The following POLR3A variants were observed in gnomAD, a reference collection of about 807,000 sequenced individuals.
The protein encoded by POLR3A is DNA-directed RNA polymerase III subunit RPC1.
In POLR3A, 112 loss-of-function variants were observed where a neutral mutation model predicts 152.8. That is an observed-to-expected ratio of 0.73 (90% CI 0.63 to 0.86). The LOEUF (loss-of-function observed/expected upper bound fraction) is 0.86. Among genes scored for constraint, POLR3A ranks in the 40% least tolerant of loss-of-function variants. The probability of loss-of-function intolerance (pLI) is 0.00; values close to 1 mark genes in which losing one functional copy is unlikely to be tolerated. For missense variants in POLR3A, 1,385 were observed against 1,743.1 expected (o/e 0.79, Z 3.66); for synonymous variants, 615 against 652.1 (o/e 0.94, Z 0.87).
At chr10:78,028,751 C>T (rs548936281) in intron 1 of POLR3A, among the ~76,000 whole-genome samples, 21 of 152,234 alleles carry the variant, frequency 1.4e-4, no homozygotes, top group African/African-American at 5.1e-4. Flanking sequence ...GATTCACCCG[C>T]TTCGGCCTCC....
intron 19 of POLR3A, among the ~76,000 whole-genome samples, chr10:77,996,856 C>T (rs1048415329): frequency 6.6e-6 from 1 of 152,034 alleles, no homozygotes; most frequent in African/African-American, 2.4e-5. Context: ...AGAGACACAA[C>T]CAAAAAAGAG....
chr10:78,028,045 G>C (rs534813359), intron 1 of POLR3A, among the ~76,000 whole-genome samples: 1 of 152,332 alleles, frequency 6.6e-6, no homozygotes. Flanking sequence ...CTGTTCTAGT[G>C]AATGGCAACC....
chr10:77,993,615 C>T (rs1847270350), intron 19 of POLR3A, among the ~76,000 whole-genome samples: 1 of 152,210 alleles, frequency 6.6e-6, no homozygotes, highest in Middle Eastern at 3.2e-3. Context: ...AGAACACATG[C>T]AATTTAAACC....
At chr10:78,027,704 ATGCG>A (rs1361439575) in intron 1 of POLR3A, among the ~76,000 whole-genome samples, 35 of 148,276 alleles carry the variant, frequency 2.4e-4, no homozygotes, top group African/African-American at 9.2e-4. Context: ...GCATACAGGC[ATGCG>A]CCACCGCACC....
In POLR3A at chr10:78,004,866, C is replaced by T. The variant is rs772239382; in HGVS notation, c.2097G>A (p.Gly699=). ...CTTGGCCAGGTGTGACATCACCGAT[C>T]CCAATTGAGAAACCACGGTTAGCTG... ...VYLSNRGFSI[G]IGDVTPGQGL... Residue 699 remains glycine (G), a synonymous_variant, in exon 16 of 31, where the codon GGG becomes GGA. Coordinates refer to ENST00000372371, the MANE Select transcript of POLR3A (RefSeq NM_007055.4). The T allele has an allele frequency of 1.9e-6, 3 of 1,614,006 alleles. No homozygotes were observed. Among genetic ancestry groups the T allele is most frequent in the Non-Finnish European group, 2.5e-6 (3 of 1,180,016 alleles).
At position 78,010,558 on chromosome 10, in the gene POLR3A, G is replaced by A. The variant is rs780780401; in HGVS notation, c.1573-18C>T. On this transcript the variant is annotated intron_variant, in intron 11 of 30. Coordinates refer to ENST00000372371, the MANE Select transcript of POLR3A (RefSeq NM_007055.4). ...GCTTTAGTCTGTAGGAAAAGTAAGC[G>A]CAGTCAGTTAGCTGTTCTCGGATGC... is the stretch of plus-strand genomic sequence containing the variant. 7.9e-5 allele frequency: 127 copies of A among 1,601,064 alleles called. No homozygotes were observed. In the Admixed American group the frequency reaches 9.3e-4, roughly 12 times the overall value.
intron 20 of POLR3A, 45 bp downstream of exon 20, chr10:77,993,150 AAC>A: frequency 6.8e-7 from 1 of 1,461,044 alleles, no homozygotes; most frequent in East Asian, 2.3e-5. Flanking sequence ...GTCCTAAAGA[AAC>A]ATCCTTAAAA....
chr10:77,982,584 A>C, intron 27 of POLR3A, 69 bp downstream of exon 27: 3 of 1,406,802 alleles, frequency 2.1e-6, no homozygotes, highest in Non-Finnish European at 3.0e-6. Flanking sequence ...CAAAGCCCTT[A>C]GGTCCCAGCC....
At chr10:77,998,773 C>T (rs1041743689) in intron 19 of POLR3A, among the ~76,000 whole-genome samples, 6 of 152,168 alleles carry the variant, frequency 3.9e-5, no homozygotes, top group African/African-American at 9.7e-5. Flanking sequence ...ACTAGAAATA[C>T]CATTTGATGC....
In POLR3A at chr10:78,025,137, G is replaced by A; in HGVS notation, c.324C>T (p.Ile108=). 1 of 1,614,154 alleles carries A rather than the reference G, an allele frequency of 6.2e-7. No homozygotes were observed. The highest frequency in any genetic ancestry group is 8.5e-7 in the Non-Finnish European group (1 of 1,180,006). The change falls in exon 4 of 31, where the codon ATC becomes ATT. Residue 108 remains isoleucine (I), a synonymous_variant. Transcript: ENST00000372371. ...GCATGATGTGGCAGCAGGTTTTGCA[G>A]ATCATCTTTTTCAAATTAAGCAAGA... ...FRAVIGILQM[I]CKTCCHIMLS... is the part of the protein sequence containing the mutation.
Position 78,021,654 on chromosome 10 carries a change from C to T in POLR3A, c.1077G>A (p.Lys359=). The T allele has an allele frequency of 1.2e-6, 2 of 1,614,142 alleles. No individual in the cohort carries two copies. The highest frequency in any genetic ancestry group is 1.7e-6 in the Non-Finnish European group (2 of 1,180,012). The part of the protein sequence containing the change: ...QGRFRGNLSG[K]RVDFSGRTVI... Reference sequence around the variant, plus strand: ...CTGTTCTGCCAGAAAAATCCACTCTCTTTCCTGAGAGATTTCCTCTAAATC... The same window carrying T: ...CTGTTCTGCCAGAAAAATCCACTCTTTTTCCTGAGAGATTTCCTCTAAATC... The change falls in exon 8 of 31, where the codon AAG becomes AAA. Residue 359 remains lysine, a synonymous_variant. Coordinates refer to ENST00000372371, the MANE Select transcript of POLR3A (RefSeq NM_007055.4).
intron 20 of POLR3A, among the ~76,000 whole-genome samples, chr10:77,992,727 T>G (rs1472924740): frequency 6.6e-6 from 1 of 152,040 alleles, no homozygotes; most frequent in Non-Finnish European, 1.5e-5. Flanking sequence ...TTTTTAGAGA[T>G]AGAGTTTTTC....
At position 78,025,773 on chromosome 10, in the gene POLR3A, C is replaced by G. The variant is rs937568457; in HGVS notation, c.181-14G>C. 6.2e-7 allele frequency: 1 copy of G among 1,613,644 alleles called. No homozygotes were observed. The highest frequency in any genetic ancestry group is 8.5e-7 in the Non-Finnish European group (1 of 1,179,650). ...CTCACTCGTACCCTTTGAAAAAAAG[C>G]ACACCCAATGATCAACACAGACTGC... On this transcript the variant is annotated splice_polypyrimidine_tract_variant and intron_variant, in intron 2 of 30. Coordinates refer to ENST00000372371, the MANE Select transcript of POLR3A (RefSeq NM_007055.4).
rs1847587969 is a variant in POLR3A at position 78,022,319 on chromosome 10, T to C, written c.711A>G (p.Leu237=). 4 of 1,613,788 alleles carry C rather than the reference T, an allele frequency of 2.5e-6. No individual in the cohort carries two copies. In the South Asian group the frequency reaches 3.3e-5, roughly 13 times the overall value. ...TTCCGGCTTCTGGGTTCATCAGAAGTAGAGGAACATCTTCAGCTGGGATTC... is the reference window on the plus strand; with the variant it reads ...TTCCGGCTTCTGGGTTCATCAGAAGCAGAGGAACATCTTCAGCTGGGATTC... ...FKRIPAEDVP[L]LLMNPEAGKP... is the part of the protein sequence containing the mutation. The change falls in exon 6 of 31, where the codon CTA becomes CTG. Residue 237 remains leucine, a synonymous_variant. Coordinates refer to ENST00000372371, the MANE Select transcript of POLR3A (RefSeq NM_007055.4).
At chr10:77,983,859 T>A in intron 26 of POLR3A, 61 bp downstream of exon 26, 1 of 1,017,956 alleles carries the variant, frequency 9.8e-7, no homozygotes, top group Non-Finnish European at 1.6e-6. Context: ...CCCTAGTTTA[T>A]CAGTACCTAT....
chr10:78,022,127 G>T lies in POLR3A; in HGVS notation c.885+18C>A. On this transcript the variant is annotated intron_variant, in intron 6 of 30. Coordinates refer to ENST00000372371, the MANE Select transcript of POLR3A (RefSeq NM_007055.4). ...ATAGATATACTATGAAACTTACAAGGAAATGGGAGGCACTGACCTTTTTAA... is the reference window on the plus strand; with the variant it reads ...ATAGATATACTATGAAACTTACAAGTAAATGGGAGGCACTGACCTTTTTAA... 6.2e-7 allele frequency: 1 copy of T among 1,614,166 alleles called. No homozygotes were observed. The highest frequency in any genetic ancestry group is 1.7e-5 in the Admixed American group (1 of 60,026).
Position 77,985,176 on chromosome 10 carries a change from G to C in POLR3A, c.3236C>G (p.Ala1079Gly), listed in dbSNP as rs1332269413. 1.2e-6 allele frequency: 2 copies of C among 1,613,468 alleles called. No homozygotes were observed. Among genetic ancestry groups the C allele is most frequent in the Non-Finnish European group, 1.7e-6 (2 of 1,179,446 alleles). Residue 1079 changes from alanine (A) to glycine (G), a missense_variant, in exon 24 of 31, where the codon GCC becomes GGC. Transcript: ENST00000372371. ...AGGAAATGAAAGCAGGCACCTGATG[G>C]CCTTGGAAGCGTTGATGATCTCTTT... Reference protein sequence around the residue: ...RIKEIINASKAISTPIITAQL... With the variant: ...RIKEIINASKGISTPIITAQL...
At chr10:78,019,063 C>G in intron 9 of POLR3A, 99 bp downstream of exon 9, 1 of 875,672 alleles carries the variant, frequency 1.1e-6, no homozygotes, top group Non-Finnish European at 1.9e-6. Context: ...AAATGTCACG[C>G]AAACTGTATT....
chr10:78,024,747 C>G, intron 4 of POLR3A, 44 bp from the exon 5 acceptor site: 1 of 1,552,670 alleles, frequency 6.4e-7, no homozygotes, highest in Non-Finnish European at 8.9e-7. Context: ...AAATTATGTT[C>G]TCAGATTGGC....
Sources: allele counts gnomAD v4.1 joint callset (sites outside exome capture counted in the v4.1 genomes callset), GRCh38; gene constraint gnomAD v4.1.1; transcripts MANE v1.5; gene names NCBI Gene and HGNC (gene_info 2026-07-23, HGNC 2026-07-21).